The following MREG variants were observed in gnomAD, a reference collection of about 807,000 sequenced individuals.
The protein encoded by MREG is dilute suppressor protein homolog.
Under a neutral mutation model 28.5 loss-of-function variants are expected in MREG, and 31 were observed. The ratio of observed to expected loss-of-function variants is 1.09; its 90% confidence interval spans 0.82 to 1.47. The LOEUF is 1.47. Among genes scored for constraint, MREG ranks in the 40% most tolerant of loss-of-function variants. MREG has a pLI of 0.00. For synonymous variants in MREG, 106 were observed against 95.2 expected (o/e 1.11, Z -0.66); for missense variants, 256 against 257.4 (o/e 0.99, Z 0.04).
intron 1 of MREG, among the ~76,000 whole-genome samples, chr2:216,004,868 A>G (rs1462278291): frequency 6.6e-6 from 1 of 152,218 alleles, no homozygotes; most frequent in East Asian, 1.9e-4. Context: ...CACTGTTTTA[A>G]GAGAGTGGTC....
At chr2:215,960,397 A>AC (rs1204642555) in intron 2 of MREG, among the ~76,000 whole-genome samples, 15 of 152,340 alleles carry the variant, frequency 9.8e-5, no homozygotes, top group African/African-American at 3.4e-4. Flanking sequence ...GCTGAACTGC[A>AC]CTGCACATGA....
chr2:216,012,195 T>C (rs558913559), intron 1 of MREG, among the ~76,000 whole-genome samples: 1 of 152,200 alleles, frequency 6.6e-6, no homozygotes, highest in African/African-American at 2.4e-5. Flanking sequence ...GGAGCAAGGA[T>C]AAAGGTCACC....
chr2:216,002,408 G>C (rs1694040537), intron 1 of MREG, among the ~76,000 whole-genome samples: 1 of 152,166 alleles, frequency 6.6e-6, no homozygotes, highest in South Asian at 2.1e-4. Context: ...AAAGACCTTG[G>C]AAGGCTCCAC....
intron 2 of MREG, among the ~76,000 whole-genome samples, chr2:215,966,230 C>T (rs907746942): frequency 1.3e-5 from 2 of 152,144 alleles, no homozygotes; most frequent in Non-Finnish European, 2.9e-5. Context: ...CCTGCCTCTT[C>T]GGAATTATTA....
At chr2:215,988,804 CAGTT>C (rs1198547441) in intron 2 of MREG, among the ~76,000 whole-genome samples, 4 of 152,228 alleles carry the variant, frequency 2.6e-5, no homozygotes, top group Non-Finnish European at 5.9e-5. Context: ...GGAGCCACTG[CAGTT>C]CAGCAAAGCC....
chr2:215,993,381 A>T (rs1693772259), intron 2 of MREG, among the ~76,000 whole-genome samples: 1 of 152,232 alleles, frequency 6.6e-6, no homozygotes, highest in Non-Finnish European at 1.5e-5. Context: ...CAGAAAACTG[A>T]AACTGGACCC....
intron 1 of MREG, among the ~76,000 whole-genome samples, chr2:216,027,087 G>C (rs934799973): frequency 4.6e-5 from 7 of 152,148 alleles, no homozygotes; most frequent in African/African-American, 7.2e-5. Flanking sequence ...AGAGATTTCA[G>C]GGTCTCCAAA....
chr2:215,948,818 T>C (rs1273765951), intron 2 of MREG, among the ~76,000 whole-genome samples: 1 of 152,144 alleles, frequency 6.6e-6, no homozygotes, highest in Admixed American at 6.6e-5. Context: ...ACCTACCTCA[T>C]TGGCTTATTG....
chr2:215,998,955 G>T (rs1178808484), intron 1 of MREG, among the ~76,000 whole-genome samples: 1 of 152,198 alleles, frequency 6.6e-6, no homozygotes, highest in East Asian at 1.9e-4. Context: ...CAAACAGGAA[G>T]AAGTGATACG....
intron 2 of MREG, among the ~76,000 whole-genome samples, chr2:215,991,323 A>C (rs1693714655): frequency 6.6e-6 from 1 of 152,224 alleles, no homozygotes; most frequent in Non-Finnish European, 1.5e-5. Flanking sequence ...GGCAGAGATA[A>C]ATAAGTTCTC....
At chr2:215,984,017 C>A (rs1428215542) in intron 2 of MREG, among the ~76,000 whole-genome samples, 2 of 152,056 alleles carry the variant, frequency 1.3e-5, no homozygotes, top group African/African-American at 4.8e-5. Context: ...AAGACATACC[C>A]CAGACTGAGA....
At chr2:216,021,217 G>A (rs778689267) in intron 1 of MREG, among the ~76,000 whole-genome samples, 7 of 151,982 alleles carry the variant, frequency 4.6e-5, no homozygotes, top group African/African-American at 7.3e-5. Context: ...ATGCAATCTC[G>A]GCTCATTGCA....
chr2:216,022,122 G>A (rs1390227186), intron 1 of MREG, among the ~76,000 whole-genome samples: 7 of 152,050 alleles, frequency 4.6e-5, no homozygotes, highest in Admixed American at 3.9e-4. Context: ...TGGCTGGCTG[G>A]CACCTGTAAT....
At chr2:215,962,784 A>G (rs998269201) in intron 2 of MREG, among the ~76,000 whole-genome samples, 1 of 151,062 alleles carries the variant, frequency 6.6e-6, no homozygotes, top group African/African-American at 2.5e-5. Flanking sequence ...ACCTCAACGT[A>G]GCTGATCCAA....
intron 1 of MREG, among the ~76,000 whole-genome samples, chr2:216,011,147 C>T (rs1440585231): frequency 6.7e-6 from 1 of 150,070 alleles, no homozygotes; most frequent in African/African-American, 2.5e-5. Flanking sequence ...TGTGAATGTA[C>T]TAAAAACTAC....
intron 2 of MREG, among the ~76,000 whole-genome samples, chr2:215,985,612 C>CT (rs1559187432): frequency 6.6e-6 from 1 of 152,046 alleles, no homozygotes; most frequent in Non-Finnish European, 1.5e-5. Context: ...TTTTTCCTGA[C>CT]TTTTTTTCAG....
chr2:216,030,428 A>C (rs1694662230), intron 1 of MREG, among the ~76,000 whole-genome samples: 1 of 152,204 alleles, frequency 6.6e-6, no homozygotes, highest in East Asian at 1.9e-4. Flanking sequence ...GGTAATAATG[A>C]AACTACCTCA....
chr2:215,944,791 T>C lies in MREG; in HGVS notation c.*72A>G. The C allele has an allele frequency of 6.9e-7, 1 of 1,446,932 alleles. No homozygotes were observed. The highest frequency in any genetic ancestry group is 1.4e-5 in the South Asian group (1 of 69,672). 89.6% of individuals were successfully genotyped at this position (1,446,932 alleles called of 1,614,324 possible). On this transcript the variant is annotated 3_prime_UTR_variant, in exon 5 of 5. Coordinates refer to ENST00000263268, the MANE Select transcript of MREG (RefSeq NM_018000.3). ...CTCTATTTGCTCACTCTCTTCTACA[T>C]GTAATTGTCCAACTTTGGTTGACTG...
rs1191138312 is a variant in MREG at position 216,028,527 on chromosome 2, C to CAA, written c.-68+4260_-68+4261dup. Reference sequence around the variant, plus strand: ...TGGGCAACACAGCAAGACTCCATCTCAAAAAAAAAAAAAAAAAAAAACCCA... The same window carrying CAA: ...TGGGCAACACAGCAAGACTCCATCTCAAAAAAAAAAAAAAAAAAAAAAACCCA... On this transcript the variant is annotated intron_variant, in intron 1 of 3. Coordinates refer to the MREG transcript ENST00000420348. 4.5e-3 allele frequency among the ~76,000 whole-genome samples: 281 copies of CAA among 61,992 alleles called. 2 individuals carry two copies. Among genetic ancestry groups the CAA allele is most frequent in the Middle Eastern group, 8.9e-3 (1 of 112 alleles). The allele number at this position is 61,992 out of a possible 152,430, so 40.7% of individuals were successfully genotyped here.
Sources: gnomAD v4.1 joint callset for allele counts (sites outside exome capture counted in the v4.1 genomes callset) on GRCh38, gnomAD v4.1.1 for gene constraint, MANE v1.5 for transcripts, NCBI Gene and HGNC (gene_info 2026-07-23, HGNC 2026-07-21) for gene names.